The following OSBPL6 variants were observed in gnomAD, a reference collection of about 807,000 sequenced individuals.
OSBPL6 encodes oxysterol binding protein like 6, also known as oxysterol-binding protein-related protein 6.
OSBPL6 carries 49 observed loss-of-function variants against 125.8 expected under a neutral mutation model. The observed-to-expected ratio is 0.39, with a 90% CI of 0.31 to 0.49. The LOEUF is 0.49. Ranked by LOEUF, OSBPL6 falls within the 20% of genes least tolerant of loss-of-function variation. OSBPL6 has a pLI of 0.88. For missense variants in OSBPL6, 986 were observed against 1,135.4 expected (o/e 0.87, Z 1.89); for synonymous variants, 394 against 391.8 (o/e 1.01, Z -0.07).
chr2:178,256,243 G>C (rs114663233), intron 1 of OSBPL6, among the ~76,000 whole-genome samples: 80 of 152,352 alleles, frequency 5.3e-4, no homozygotes, highest in African/African-American at 1.9e-3. Context: ...GGACATGTTA[G>C]ACTGTAAGGA....
At chr2:178,311,224 AC>A (rs1687240344) in intron 3 of OSBPL6, among the ~76,000 whole-genome samples, 1 of 152,074 alleles carries the variant, frequency 6.6e-6, no homozygotes, top group Admixed American at 6.5e-5. Context: ...GAACACACCC[AC>A]CTCAGGGCCT....
chr2:178,398,609 G>C lies in OSBPL6; in HGVS notation c.*3050G>C, dbSNP rs1212761877. On this transcript the variant is annotated 3_prime_UTR_variant, in exon 25 of 25. Coordinates refer to ENST00000190611, the MANE Select transcript of OSBPL6 (RefSeq NM_032523.4). ...TAAAATACCTACCCCATAATTTTCA[G>C]GCAATTGTAAAAATAAACCTTATTT... 1.3e-5 allele frequency: 2 copies of C among 152,072 alleles called. No individual in the cohort carries two copies. Among genetic ancestry groups the C allele is most frequent in the African/African-American group, 4.8e-5 (2 of 41,416 alleles). The allele number at this position is 152,072 out of a possible 1,614,324, so 9.4% of individuals were successfully genotyped here.
At chr2:178,250,588 T>C (rs1376284940) in intron 1 of OSBPL6, among the ~76,000 whole-genome samples, 2 of 152,198 alleles carry the variant, frequency 1.3e-5, no homozygotes, top group Non-Finnish European at 2.9e-5. Flanking sequence ...CTTTCTTGAT[T>C]GACAAGGCCC....
intron 19 of OSBPL6, 53 bp from the exon 20 acceptor site, chr2:178,387,008 G>A: frequency 8.5e-7 from 1 of 1,181,560 alleles, no homozygotes; most frequent in Non-Finnish European, 1.2e-6. Flanking sequence ...TTTTATAGAA[G>A]AGGTGATTAG....
chr2:178,200,247 C>CTTTTTTTTT (rs767677596), intron 1 of OSBPL6, among the ~76,000 whole-genome samples: 2 of 109,734 alleles, frequency 1.8e-5, no homozygotes, highest in Middle Eastern at 6.0e-3. Context: ...TTCTTCAGAC[C>CTTTTTTTTT]TTTTTTTTTT....
chr2:178,274,954 C>T (rs1217634608), intron 1 of OSBPL6, among the ~76,000 whole-genome samples: 1 of 151,884 alleles, frequency 6.6e-6, no homozygotes. Flanking sequence ...CAGACACTTT[C>T]CAGAGTCTCT....
At chr2:178,218,394 A>T (rs1243046894) in intron 1 of OSBPL6, among the ~76,000 whole-genome samples, 16 of 96,386 alleles carry the variant, frequency 1.7e-4, no homozygotes, top group Admixed American at 8.2e-4. Context: ...AAGCATTATT[A>T]AAAAAAAAAA....
intron 1 of OSBPL6, among the ~76,000 whole-genome samples, chr2:178,215,098 TAAAAAAA>T (rs77043400): frequency 1.4e-5 from 2 of 138,890 alleles, no homozygotes; most frequent in African/African-American, 5.3e-5. Context: ...AATTATCCTT[TAAAAAAA>T]AAAAAAAGAA....
At chr2:178,208,680 C>G (rs1003315013) in intron 1 of OSBPL6, among the ~76,000 whole-genome samples, 6 of 79,586 alleles carry the variant, frequency 7.5e-5, no homozygotes, top group African/African-American at 2.5e-4. Flanking sequence ...CCCTCCTCTC[C>G]CCTCCCTTCC....
At chr2:178,358,516 T>C (rs2154096751) in intron 12 of OSBPL6, among the ~76,000 whole-genome samples, 1 of 152,250 alleles carries the variant, frequency 6.6e-6, no homozygotes, top group Non-Finnish European at 1.5e-5. Flanking sequence ...GTTTGTTCAA[T>C]GAAAGATGCT....
intron 1 of OSBPL6, among the ~76,000 whole-genome samples, chr2:178,221,247 T>C (rs1178690448): frequency 6.6e-6 from 1 of 152,184 alleles, no homozygotes; most frequent in East Asian, 1.9e-4. Flanking sequence ...TAAATAAATA[T>C]AAATTGAATA....
At chr2:178,319,299 CTAAGAT>C (rs1688037683) in intron 3 of OSBPL6, among the ~76,000 whole-genome samples, 1 of 152,110 alleles carries the variant, frequency 6.6e-6, no homozygotes, top group Admixed American at 6.5e-5. Flanking sequence ...GAAATTATCC[CTAAGAT>C]TGTACCATAT....
intron 1 of OSBPL6, among the ~76,000 whole-genome samples, chr2:178,210,315 G>A (rs968610694): frequency 1.4e-5 from 2 of 147,900 alleles, no homozygotes; most frequent in African/African-American, 2.5e-5. Flanking sequence ...CACCACACCT[G>A]ACCTATAAGT....
At position 178,331,624 on chromosome 2, in the gene OSBPL6, A is replaced by G. The variant is rs1375438576; in HGVS notation, c.372+19A>G. The G allele has an allele frequency of 1.2e-6, 2 of 1,613,332 alleles. No individual in the cohort carries two copies. The highest frequency in any genetic ancestry group is 1.1e-5 in the South Asian group (1 of 91,058). ...ACTCGATGTAAGTAGCACACAGGACATGTTTCAAAGGTTGATTTCGAATTC... is the reference window on the plus strand; with the variant it reads ...ACTCGATGTAAGTAGCACACAGGACGTGTTTCAAAGGTTGATTTCGAATTC... On this transcript the variant is annotated intron_variant, in intron 6 of 24. Transcript: ENST00000190611.
Position 178,349,340 on chromosome 2 carries a change from A to T in OSBPL6, c.1104A>T (p.Ser368=). The T allele has an allele frequency of 1.9e-6, 3 of 1,614,240 alleles. No individual in the cohort carries two copies. The South Asian group carries it at 3.3e-5, about 18-fold the overall frequency. The part of the protein sequence containing the change: ...PSHLTDPLES[S]TDYTKLQEEF... ...ACCTCACTGACCCTCTGGAAAGTTC[A>T]ACAGATTATACAAAGCTGCAAGAAG... Residue 368 remains serine, a synonymous_variant, in exon 12 of 25, where the codon TCA becomes TCT. Transcript: ENST00000190611.
At chr2:178,194,056 G>A (rs1464245999), upstream of OSBPL6, among the ~76,000 whole-genome samples, 1 of 152,224 alleles carries the variant, frequency 6.6e-6, no homozygotes, top group East Asian at 1.9e-4. Flanking sequence ...CAGTGCTCCC[G>A]GCTGCGGCGC....
intron 1 of OSBPL6, among the ~76,000 whole-genome samples, chr2:178,274,245 T>C (rs2092426007): frequency 6.6e-6 from 1 of 152,150 alleles, no homozygotes; most frequent in Non-Finnish European, 1.5e-5. Context: ...GCCATCTTTG[T>C]TAGTATTCTC....
chr2:178,236,223 CT>C (rs2153985339), intron 1 of OSBPL6, among the ~76,000 whole-genome samples: 1 of 151,756 alleles, frequency 6.6e-6, no homozygotes, highest in South Asian at 2.1e-4. Context: ...TATCTTAATC[CT>C]GAAAAAAAAA....
At chr2:178,339,599 C>A in intron 10 of OSBPL6, 73 bp from the exon 11 acceptor site, 1 of 1,229,632 alleles carries the variant, frequency 8.1e-7, no homozygotes, top group Non-Finnish European at 1.1e-6. Flanking sequence ...ACTTGCTGTG[C>A]TCTTGTCTAT....
Sources: gnomAD v4.1 joint callset for allele counts (sites outside exome capture counted in the v4.1 genomes callset) on GRCh38, gnomAD v4.1.1 for gene constraint, MANE v1.5 for transcripts, NCBI Gene and HGNC (gene_info 2026-07-23, HGNC 2026-07-21) for gene names.